The following SV2B variants were observed in gnomAD, a reference collection of about 807,000 sequenced individuals.
The protein encoded by SV2B is synaptic vesicle glycoprotein 2B.
Under a neutral mutation model 73.9 loss-of-function variants are expected in SV2B, and 41 were observed. The ratio of observed to expected loss-of-function variants is 0.56; its 90% confidence interval spans 0.43 to 0.72. SV2B has a LOEUF of 0.72. SV2B is among the 30% of genes least tolerant of loss of function. SV2B has a pLI of 0.00. For synonymous variants in SV2B, 314 were observed against 314.2 expected, an observed-to-expected ratio of 1.00 and a Z score of 0.01; for missense variants, 764 against 857.8, an observed-to-expected ratio of 0.89 and a Z score of 1.37.
rs2048737069 is a variant in SV2B at position 91,283,172 on chromosome 15, T to TAG, written c.1508-849_1508-848insAG. Among the ~76,000 whole-genome samples, 1 of 152,252 alleles carries TAG rather than the reference T, an allele frequency of 6.6e-6. No homozygotes were observed. Among genetic ancestry groups the TAG allele is most frequent in the Non-Finnish European group, 1.5e-5 (1 of 68,052 alleles). ...TCTAGGGAGCCTGTTTAGTACTTTT[T>TAG]CTGTCAGAACAGCTGATCTTAGAAG... On this transcript the variant is annotated intron_variant, in intron 10 of 12. Coordinates refer to ENST00000394232, the MANE Select transcript of SV2B (RefSeq NM_001323032.3). This position sits in a 1 kb window ranked among gnomAD's most constrained non-coding sequence, Gnocchi z 4.3.
intron 11 of SV2B, among the ~76,000 whole-genome samples, chr15:91,287,012 C>G (rs1167024458): frequency 6.6e-6 from 1 of 152,188 alleles, no homozygotes; most frequent in African/African-American, 2.4e-5. Context: ...CCATGGCTGG[C>G]CCCTCTGAGG....
Position 91,284,046 on chromosome 15 carries a change from C to A in SV2B, c.1533C>A (p.Asn511Lys), listed in dbSNP as rs146029946. The A allele has an allele frequency of 1.9e-6, 3 of 1,614,220 alleles. No homozygotes were observed. Among genetic ancestry groups the A allele is most frequent in the Non-Finnish European group, 2.5e-6 (3 of 1,180,046 alleles). Residue 511 changes from asparagine (N) to lysine (K), a missense_variant, in exon 11 of 13, where the codon AAC (asparagine) becomes AAA (lysine). Transcript: ENST00000394232. The surrounding 1 kb of genome is among the most constrained non-coding windows in gnomAD (Gnocchi z 4.5). ...NTDLYEHKFI[N>K]CRFINSTFLE... ...ACCTCTACGAGCACAAGTTCATCAACTGTCGGTTTATCAACTCCACCTTCC... is the reference window on the plus strand; with the variant it reads ...ACCTCTACGAGCACAAGTTCATCAAATGTCGGTTTATCAACTCCACCTTCC...
intron 10 of SV2B, among the ~76,000 whole-genome samples, chr15:91,282,655 A>G (rs1054734998): frequency 1.3e-5 from 2 of 152,242 alleles, no homozygotes; most frequent in Non-Finnish European, 2.9e-5. Context: ...TTCATTCCTC[A>G]GTTGTTTGGC....
intron 5 of SV2B, among the ~76,000 whole-genome samples, chr15:91,259,088 C>T (rs1444916101): frequency 2.0e-5 from 3 of 150,928 alleles, no homozygotes; most frequent in Non-Finnish European, 4.4e-5. Context: ...AAAGAGACAC[C>T]CTGTCTCAAA....
chr15:91,111,721 T>C (rs2042040893), intron 1 of SV2B, among the ~76,000 whole-genome samples: 2 of 152,132 alleles, frequency 1.3e-5, no homozygotes. Context: ...TTGGGTAATT[T>C]ATAAGAAAAG....
intron 4 of SV2B, among the ~76,000 whole-genome samples, chr15:91,256,523 G>T (rs556529497): frequency 6.6e-6 from 1 of 152,230 alleles, no homozygotes; most frequent in African/African-American, 2.4e-5. Context: ...AATGATGCCA[G>T]AGTAGTTTTT....
rs539026456 is a variant in SV2B, at chr15:91,128,281, G to A, written c.-392+27918G>A. Among the ~76,000 whole-genome samples, 2 of 152,300 alleles carry A rather than the reference G, an allele frequency of 1.3e-5. No individual in the cohort carries two copies. The highest frequency in any genetic ancestry group is 6.5e-5 in the Admixed American group (1 of 15,300). Reference sequence around the variant, plus strand: ...CCAAGAAGGTGGGATGGGAGAGCAGGAGGAGGTGTCAGAATGTAAAAGCTG... The same window carrying A: ...CCAAGAAGGTGGGATGGGAGAGCAGAAGGAGGTGTCAGAATGTAAAAGCTG... On this transcript the variant is annotated intron_variant, in intron 1 of 12. Coordinates refer to ENST00000394232, the MANE Select transcript of SV2B (RefSeq NM_001323032.3). The surrounding 1 kb of genome is among the most constrained non-coding windows in gnomAD (Gnocchi z 4.2).
intron 1 of SV2B, among the ~76,000 whole-genome samples, chr15:91,221,693 G>GCGCGCGCACACACA (rs370290337): frequency 9.8e-4 from 137 of 140,154 alleles, no homozygotes; most frequent in African/African-American, 2.8e-3. Flanking sequence ...AAGCATGTGC[G>GCGCGCGCACACACA]CACACACACA....
intron 1 of SV2B, among the ~76,000 whole-genome samples, chr15:91,152,137 G>T (rs532431977): frequency 6.8e-6 from 1 of 147,322 alleles, no homozygotes; most frequent in African/African-American, 2.6e-5. Context: ...AAAGAGCAAA[G>T]CTTCCACAGT....
chr15:91,203,531 C>A (rs185926684), intron 1 of SV2B, among the ~76,000 whole-genome samples: 65 of 152,362 alleles, frequency 4.3e-4, no homozygotes, highest in African/African-American at 1.5e-3. Flanking sequence ...GCCTTTATAT[C>A]TTTATTCAAA....
At chr15:91,285,242 G>T (rs559656763) in intron 11 of SV2B, among the ~76,000 whole-genome samples, 2 of 152,188 alleles carry the variant, frequency 1.3e-5, no homozygotes, top group African/African-American at 4.8e-5. Flanking sequence ...GTAAGCGTGA[G>T]AACTGCCTGT....
At position 91,132,490 on chromosome 15, in the gene SV2B, A is replaced by G. The variant is rs2042686025; in HGVS notation, c.-392+32127A>G. On this transcript the variant is annotated intron_variant, in intron 1 of 12. Transcript: ENST00000394232. The surrounding 1 kb of genome is among the most constrained non-coding windows in gnomAD (Gnocchi z 4.6). The stretch of plus-strand genomic sequence containing the variant: ...TTCAGAGGCTGGAGTGAAGTTACAA[A>G]GTTGCAAACGAAGACGGGACCCTCA... Among the ~76,000 whole-genome samples, 1 of 152,230 alleles carries G rather than the reference A, an allele frequency of 6.6e-6. No homozygotes were observed. The highest frequency in any genetic ancestry group is 1.5e-5 in the Non-Finnish European group (1 of 68,038).
chr15:91,254,892 C>A (rs183017357), intron 4 of SV2B, among the ~76,000 whole-genome samples: 1 of 152,212 alleles, frequency 6.6e-6, no homozygotes, highest in African/African-American at 2.4e-5. Context: ...AGCCCGCCCT[C>A]ACACTTGACC....
rs1000266892 is a variant in SV2B, at chr15:91,289,758, A to G, written c.1868+78A>G. On this transcript the variant is annotated intron_variant, in intron 12 of 12. Transcript: ENST00000394232. This position sits in a 1 kb window ranked among gnomAD's most constrained non-coding sequence, Gnocchi z 4.9. ...GAAGTCTACCTGCTCCCTAAATCTC[A>G]TGCTGTGCATGGCCATCGTGGTCTT... is the stretch of plus-strand genomic sequence containing the variant. The G allele has an allele frequency of 8.3e-6, 12 of 1,443,598 alleles. No homozygotes were observed. The highest frequency in any genetic ancestry group is 2.5e-4 in the Middle Eastern group (1 of 3,990). 89.4% of individuals were successfully genotyped at this position (1,443,598 alleles called of 1,614,324 possible). A position where few individuals can be genotyped will look rare whatever the true frequency, so the allele number is the denominator to read the frequency against.
In SV2B at chr15:91,197,064, C is replaced by T. The variant is rs981308423; in HGVS notation, c.-391-28809C>T. On this transcript the variant is annotated intron_variant, in intron 1 of 12. Coordinates refer to ENST00000394232, the MANE Select transcript of SV2B (RefSeq NM_001323032.3). The surrounding 1 kb of genome is among the most constrained non-coding windows in gnomAD (Gnocchi z 4.9). ...CTGCCGGCTGTGGCAGCCTTTAGCC[C>T]ATAGATGCTGATCTTTGATGTCAGA... Among the ~76,000 whole-genome samples, 1 of 152,228 alleles carries T rather than the reference C, an allele frequency of 6.6e-6. No homozygotes were observed. The highest frequency in any genetic ancestry group is 2.4e-5 in the African/African-American group (1 of 41,458).
chr15:91,190,112 A>AT (rs1353873579), intron 1 of SV2B, among the ~76,000 whole-genome samples: 9 of 152,232 alleles, frequency 5.9e-5, no homozygotes, highest in East Asian at 1.9e-4. Context: ...GAGAAATGCT[A>AT]TTTTTTTAAA....
Position 91,121,122 on chromosome 15 carries a change from ACT to A in SV2B, c.-392+20761_-392+20762del, listed in dbSNP as rs2042322895. ...GCTAATTTTTGGTCTTATGTTAGTA[ACT>A]CGTTTCATTTTTTTTTCTCTTTGAA... On this transcript the variant is annotated intron_variant, in intron 1 of 12. Transcript: ENST00000394232. This position sits in a 1 kb window ranked among gnomAD's most constrained non-coding sequence, Gnocchi z 4.4. Among the ~76,000 whole-genome samples, 1 of 133,106 alleles carries A rather than the reference ACT, an allele frequency of 7.5e-6. No homozygotes were observed. The highest frequency in any genetic ancestry group is 1.7e-5 in the Non-Finnish European group (1 of 59,900). 87.3% of individuals were successfully genotyped at this position (133,106 alleles called of 152,430 possible). A position where few individuals can be genotyped will look rare whatever the true frequency, so the allele number is the denominator to read the frequency against.
chr15:91,166,877 G>A (rs1409924543), intron 1 of SV2B, among the ~76,000 whole-genome samples: 5 of 150,320 alleles, frequency 3.3e-5, no homozygotes, highest in African/African-American at 4.9e-5. Context: ...GCAGTGGTGC[G>A]ATCTCAGCTC....
chr15:91,153,741 G>T (rs982473366), intron 1 of SV2B, among the ~76,000 whole-genome samples: 6 of 149,832 alleles, frequency 4.0e-5, no homozygotes, highest in African/African-American at 1.5e-4. Context: ...GACTGCTGAG[G>T]GTCAGTTCCT....
Sources: allele counts gnomAD v4.1 joint callset (sites outside exome capture counted in the v4.1 genomes callset), GRCh38; gene constraint gnomAD v4.1.1; non-coding constraint Gnocchi (gnomAD v3.1); transcripts MANE v1.5; gene names NCBI Gene and HGNC (gene_info 2026-07-23, HGNC 2026-07-21).